LITAF: variants seen among roughly 807,000 people sequenced by gnomAD.
The protein encoded by LITAF is lipopolysaccharide induced TNF factor, also known as lipopolysaccharide-induced tumor necrosis factor-alpha factor.
LITAF carries 9 observed loss-of-function variants against 14.5 expected under a neutral mutation model. The observed-to-expected ratio is 0.62, with a 90% CI of 0.37 to 1.08. The LOEUF (loss-of-function observed/expected upper bound fraction) is 1.08. LITAF is among the 50% of genes least tolerant of loss of function. The pLI is 0.01. For synonymous variants in LITAF, 98 were observed against 88.2 expected, an observed-to-expected ratio of 1.11 and a Z score of -0.62; for missense variants, 206 against 213.4, an observed-to-expected ratio of 0.97 and a Z score of 0.22.
At chr16:11,584,225 T>G (rs967416382) in intron 1 of LITAF, 1 of 152,212 alleles carries the variant, frequency 6.6e-6, no homozygotes, top group East Asian at 1.9e-4. Context: ...CTATTTTCAC[T>G]GCTGTAAAAG....
rs968429747 is a variant in LITAF at position 11,558,301 on chromosome 16, G to C, written c.-5-1566C>G. Among the ~76,000 whole-genome samples, 1 of 152,206 alleles carries C rather than the reference G, an allele frequency of 6.6e-6. No homozygotes were observed. Among genetic ancestry groups the C allele is most frequent in the Non-Finnish European group, 1.5e-5 (1 of 68,040 alleles). ...AAAGTGGAAACAGAGACCAGGTGCG[G>C]TGGCTCACCTGTAATCCCAGCACTC... On this transcript the variant is annotated intron_variant, in intron 1 of 3. Coordinates refer to ENST00000622633, the MANE Select transcript of LITAF (RefSeq NM_001136472.2). This position sits in a 1 kb window ranked among gnomAD's most constrained non-coding sequence, Gnocchi z 4.1.
chr16:11,557,074 G>GTTTGTTTT (rs58534212), intron 1 of LITAF, among the ~76,000 whole-genome samples: 117,966 of 149,208 alleles, frequency 0.79, 46,767 homozygotes, highest in Admixed American at 0.84. Flanking sequence ...GTTTTTTTTT[G>GTTTGTTTT]TTTGTTTTTT....
At position 11,558,536 on chromosome 16, in the gene LITAF, T is replaced by G. The variant is rs2141726385; in HGVS notation, c.-5-1801A>C. Among the ~76,000 whole-genome samples the G allele has an allele frequency of 6.6e-6, 1 of 152,194 alleles. No individual in the cohort carries two copies. Among genetic ancestry groups the G allele is most frequent in the Middle Eastern group, 3.4e-3 (1 of 294 alleles). On this transcript the variant is annotated intron_variant, in intron 1 of 3. Coordinates refer to ENST00000622633, the MANE Select transcript of LITAF (RefSeq NM_001136472.2). This position sits in a 1 kb window ranked among gnomAD's most constrained non-coding sequence, Gnocchi z 4.1. The stretch of plus-strand genomic sequence containing the variant: ...CAGCCTGGGCAACATAGTGAGACCC[T>G]GTCTCTACAACGAATAAAAAAAGTA...
Position 11,571,486 on chromosome 16 carries a change from A to G in LITAF, c.-5-14751T>C, listed in dbSNP as rs182264756. ...GGGTAATGAGTTAGAAAACTCATCC[A>G]TCCACCCTCATAGCTGGGTTGCCCA... On this transcript the variant is annotated intron_variant, in intron 1 of 3. Coordinates refer to ENST00000622633, the MANE Select transcript of LITAF (RefSeq NM_001136472.2). Among the ~76,000 whole-genome samples, 5 of 152,290 alleles carry G rather than the reference A, an allele frequency of 3.3e-5. No homozygotes were observed. In the East Asian group the frequency reaches 7.7e-4, roughly 24 times the overall value.
intron 3 of LITAF, among the ~76,000 whole-genome samples, chr16:11,620,614 G>A (rs1316487321): frequency 2.0e-5 from 3 of 152,114 alleles, no homozygotes; most frequent in South Asian, 2.1e-4. Context: ...GATTACAGAC[G>A]TGAGCCACTG....
chr16:11,596,383 T>G (rs1041244271), intron 1 of LITAF, among the ~76,000 whole-genome samples: 14 of 148,130 alleles, frequency 9.5e-5, no homozygotes, highest in Admixed American at 7.6e-4. Context: ...GCTGCATGAC[T>G]GTGTTTCTAT....
chr16:11,618,532 C>T (rs1219108569), intron 3 of LITAF, among the ~76,000 whole-genome samples: 2 of 152,198 alleles, frequency 1.3e-5, no homozygotes, highest in East Asian at 1.9e-4. Flanking sequence ...ATCTGGAGAG[C>T]GTGCTTGATG....
intron 3 of LITAF, among the ~76,000 whole-genome samples, chr16:11,612,262 A>G (rs1400462419): frequency 6.6e-6 from 1 of 152,138 alleles, no homozygotes; most frequent in East Asian, 1.9e-4. Flanking sequence ...AGTGAGTCAG[A>G]CCAGGTCATT....
In LITAF at chr16:11,548,633, G is replaced by T. The variant is rs772103558; in HGVS notation, c.*1004C>A. On this transcript the variant is annotated 3_prime_UTR_variant, in exon 4 of 4. Coordinates refer to ENST00000622633, the MANE Select transcript of LITAF (RefSeq NM_001136472.2). The stretch of plus-strand genomic sequence containing the variant: ...AGACTACATTGGCAAATGGGAAAAT[G>T]ACACCAATCATTTGATTACAGAAAA... 5 of 450,902 alleles carry T rather than the reference G, an allele frequency of 1.1e-5. No individual in the cohort carries two copies. Among genetic ancestry groups the T allele is most frequent in the South Asian group, 7.8e-5 (5 of 63,828 alleles). 27.9% of individuals were successfully genotyped at this position (450,902 alleles called of 1,614,324 possible).
At chr16:11,631,848 C>CTT (rs1448067521) in intron 3 of LITAF, among the ~76,000 whole-genome samples, 4 of 142,592 alleles carry the variant, frequency 2.8e-5, no homozygotes, top group African/African-American at 1.1e-4. Flanking sequence ...ATTTTCTTTT[C>CTT]TTTTCTTTTT....
intron 3 of LITAF, among the ~76,000 whole-genome samples, chr16:11,606,616 T>A (rs1282807677): frequency 6.6e-6 from 1 of 152,032 alleles, no homozygotes. Context: ...ATTGTGGTGG[T>A]CTGGAACCAA....
upstream of LITAF, among the ~76,000 whole-genome samples, chr16:11,589,425 G>T (rs927358180): frequency 3.3e-5 from 5 of 152,190 alleles, no homozygotes; most frequent in African/African-American, 1.2e-4. Flanking sequence ...TTGTCCTGGA[G>T]GTTCTGGCCA....
intron 1 of LITAF, among the ~76,000 whole-genome samples, chr16:11,572,663 C>T (rs1183664776): frequency 2.0e-5 from 3 of 152,216 alleles, no homozygotes; most frequent in Non-Finnish European, 2.9e-5. Flanking sequence ...GTCAAAGTCA[C>T]GGAAAACAGG....
At chr16:11,557,643 GT>G (rs1426607460) in intron 1 of LITAF, among the ~76,000 whole-genome samples, 1 of 152,064 alleles carries the variant, frequency 6.6e-6, no homozygotes, top group African/African-American at 2.4e-5. Context: ...AGAGATGGGG[GT>G]CTCACTTTGC....
upstream of LITAF, chr16:11,587,135 A>G (rs1159837802): frequency 6.8e-6 from 2 of 293,810 alleles, no homozygotes; most frequent in Non-Finnish European, 6.8e-6. Flanking sequence ...GCCACCCCAG[A>G]GCTTCCCAGG....
chr16:11,580,551 T>C (rs36020240), intron 1 of LITAF, among the ~76,000 whole-genome samples: 23,087 of 151,658 alleles, frequency 0.15, 1,909 homozygotes, highest in South Asian at 0.23. Flanking sequence ...CCACCGTGCC[T>C]GGCTGGAAGA....
intron 3 of LITAF, among the ~76,000 whole-genome samples, chr16:11,611,755 C>G (rs917612683): frequency 6.6e-6 from 1 of 151,650 alleles, no homozygotes; most frequent in Non-Finnish European, 1.5e-5. Flanking sequence ...CTCCACCTCT[C>G]GGGTTCAAGT....
chr16:11,617,933 C>G (rs139094351), intron 3 of LITAF, among the ~76,000 whole-genome samples: 1 of 152,014 alleles, frequency 6.6e-6, no homozygotes, highest in East Asian at 1.9e-4. Context: ...TGTAGCAGCT[C>G]GAACATAGCT....
chr16:11,564,250 G>T (rs982958502), intron 1 of LITAF, among the ~76,000 whole-genome samples: 1 of 151,954 alleles, frequency 6.6e-6, no homozygotes, highest in African/African-American at 2.4e-5. Context: ...CCAGGAACCC[G>T]CAGGGAGAAG....
Sources: gnomAD v4.1 joint callset for allele counts (sites outside exome capture counted in the v4.1 genomes callset) on GRCh38, gnomAD v4.1.1 for gene constraint, Gnocchi (gnomAD v3.1) non-coding constraint, MANE v1.5 for transcripts, NCBI Gene and HGNC (gene_info 2026-07-23, HGNC 2026-07-21) for gene names.